The following HLA-DQB1 variants were observed in gnomAD, a reference collection of about 807,000 sequenced individuals.
The protein encoded by HLA-DQB1 is HLA class II histocompatibility antigen, DQ beta 1 chain.
A neutral mutation model predicts 26.4 loss-of-function variants in HLA-DQB1; 13 were observed. That is an observed-to-expected ratio of 0.49 (90% CI 0.32 to 0.78). HLA-DQB1 has a LOEUF of 0.78. Ranked by LOEUF, HLA-DQB1 falls within the 30% of genes least tolerant of loss-of-function variation. HLA-DQB1 has a pLI of 0.03. For synonymous variants in HLA-DQB1, 60 were observed against 129.1 expected, an observed-to-expected ratio of 0.46 and a Z score of 3.63; for missense variants, 158 against 326.2, an observed-to-expected ratio of 0.48 and a Z score of 3.97.
chr6:32,660,279 ACAGGG>A (rs748102756), intron 4 of HLA-DQB1, 30 bp from the exon 5 acceptor site: 23,784 of 1,027,504 alleles, frequency 0.023, 6,170 homozygotes, highest in East Asian at 0.085. Context: ...ATTGATCAGC[ACAGGG>A]TATCCTGGTG....
At chr6:32,666,429 C>A in intron 1 of HLA-DQB1, 70 bp downstream of exon 1, 1 of 576,370 alleles carries the variant, frequency 1.7e-6, no homozygotes. Context: ...ATCACCATCC[C>A]CCATACCCCA....
Position 32,666,485 on chromosome 6 carries a change from T to G in HLA-DQB1, c.109+14A>C, listed in dbSNP as rs28746847. 0.14 allele frequency: 120,723 copies of G among 887,704 alleles called. 14,679 individuals carry two copies. The highest frequency in any genetic ancestry group is 0.37 in the East Asian group (12,053 of 32,374). The allele number at this position is 887,704 out of a possible 1,614,324, so 55.0% of individuals were successfully genotyped here. ...CAGAGTGGCGGCTCTGGAGAGCAGC[T>G]GCCCTGCACTTACCGGGAGAGTCTC... On this transcript the variant is annotated intron_variant, in intron 1 of 4. Coordinates refer to ENST00000434651, the Ensembl canonical transcript of HLA-DQB1.
intron 1 of HLA-DQB1, 126 bp downstream of exon 1, chr6:32,666,373 A>C (rs28746845): frequency 0.16 from 67,797 of 415,022 alleles, 7,967 homozygotes; most frequent in East Asian, 0.34. Context: ...TTTCTTTCCC[A>C]AGAGAGAGGA....
At chr6:32,663,608 A>C (rs1554167636) in intron 2 of HLA-DQB1, 1 of 98,734 alleles carries the variant, frequency 1.0e-5, no homozygotes, top group African/African-American at 3.9e-5. Context: ...ATGTACCAAT[A>C]TTAGGATATA....
At chr6:32,666,458 C>T (rs281860881) in intron 1 of HLA-DQB1, 41 bp downstream of exon 1, 5 of 745,606 alleles carry the variant, frequency 6.7e-6, no homozygotes, top group South Asian at 1.9e-5. Context: ...AGAGCCTGTT[C>T]CCAGAGTGGC....
exon 4 of HLA-DQB1, chr6:32,661,376 C>T (rs1051908988): frequency 2.3e-6 from 3 of 1,292,062 alleles, no homozygotes; most frequent in Non-Finnish European, 1.1e-6. Context: ...GATGATAAGG[C>T]CCAGCCCAAG....
rs281860855 is a variant in HLA-DQB1 at position 32,666,488 on chromosome 6, C to T, written c.109+11G>A. On this transcript the variant is annotated intron_variant, in intron 1 of 4. Coordinates refer to ENST00000434651, the Ensembl canonical transcript of HLA-DQB1. Reference sequence around the variant, plus strand: ...AGTGGCGGCTCTGGAGAGCAGCTGCCCTGCACTTACCGGGAGAGTCTCTGC... The same window carrying T: ...AGTGGCGGCTCTGGAGAGCAGCTGCTCTGCACTTACCGGGAGAGTCTCTGC... 1.0e-6 allele frequency: 1 copy of T among 975,702 alleles called. No individual in the cohort carries two copies. Among genetic ancestry groups the T allele is most frequent in the African/African-American group, 1.6e-5 (1 of 62,684 alleles). 60.4% of individuals were successfully genotyped at this position (975,702 alleles called of 1,614,324 possible).
chr6:32,666,557 A>G, exon 1 of HLA-DQB1: 1 of 1,199,640 alleles, frequency 8.3e-7, no homozygotes, highest in East Asian at 2.7e-5. Context: ...TCAAGGTGAC[A>G]GTTGCTACCC....
intron 2 of HLA-DQB1, 151 bp from the exon 3 acceptor site, chr6:32,662,399 T>C: frequency 6.8e-6 from 1 of 147,610 alleles, no homozygotes; most frequent in Non-Finnish European, 1.1e-5. Context: ...AAATATAAAT[T>C]TGACAATCAC....
At chr6:32,663,415 G>GAAAGTATCATTCTGTCC (rs9282143) in intron 2 of HLA-DQB1, 2 of 126,710 alleles carry the variant, frequency 1.6e-5, no homozygotes, top group Admixed American at 8.0e-5. Flanking sequence ...TTTCAATGCC[G>GAAAGTATCATTCTGTCC]CATTAACACA....
At chr6:32,661,416 C>T (rs1049163) in exon 4 of HLA-DQB1, 274,527 of 975,756 alleles carry the variant, frequency 0.28, 94,458 homozygotes, top group East Asian at 0.52. Context: ...AAGCCTCCAA[C>T]GCCACTCAGC....
rs1783969338 is a variant in HLA-DQB1, at chr6:32,665,616, AC to A, written c.110-550del. On this transcript the variant is annotated intron_variant, in intron 1 of 4. Transcript: ENST00000434651. ...CCCTTCTATGTTGGAAAGGACCTAC[AC>A]CTCTGAGTCCTAGATAGAGACATTT... Among the ~76,000 whole-genome samples, 2 of 69,308 alleles carry A rather than the reference AC, an allele frequency of 2.9e-5. 1 individual carries two copies. The highest frequency in any genetic ancestry group is 6.8e-5 in the Non-Finnish European group (2 of 29,256). The allele number at this position is 69,308 out of a possible 152,430, so 45.5% of individuals were successfully genotyped here.
At chr6:32,666,413 A>G in intron 1 of HLA-DQB1, 86 bp downstream of exon 1, 1 of 485,442 alleles carries the variant, frequency 2.1e-6, no homozygotes, top group Non-Finnish European at 3.6e-6. Context: ...GTCCAAGATC[A>G]TAGAGATCAC....
In HLA-DQB1 at chr6:32,664,458, C is replaced by A. The variant is rs28746782; in HGVS notation, c.379+340G>T. ...CCGGCGGGCAGGGGAAGAGGGTGGG[C>A]ACTGGGGGCAGAGAGAACTGCTTAG... On this transcript the variant is annotated intron_variant, in intron 2 of 4. Coordinates refer to ENST00000434651, the Ensembl canonical transcript of HLA-DQB1. The A allele has an allele frequency of 8.7e-3, 1,086 of 124,918 alleles. 53 individuals carry two copies. Among genetic ancestry groups the A allele is most frequent in the Admixed American group, 0.019 (136 of 7,116 alleles). 7.7% of individuals were successfully genotyped at this position (124,918 alleles called of 1,614,324 possible).
intron 4 of HLA-DQB1, chr6:32,660,828 T>C (rs9273525): frequency 0.084 from 96,892 of 1,156,212 alleles, 9,231 homozygotes; most frequent in Admixed American, 0.26. Context: ...TACCTGTGCC[T>C]CCCCACACTG....
exon 5 of HLA-DQB1, chr6:32,660,109 G>T: frequency 2.1e-6 from 1 of 470,320 alleles, no homozygotes. Context: ...TGGTGGCTGC[G>T]TGACAGCCAC....
intron 2 of HLA-DQB1, chr6:32,663,478 C>G (rs281875014): frequency 1.0e-5 from 1 of 98,804 alleles, no homozygotes; most frequent in Non-Finnish European, 2.2e-5. Context: ...CTGGCTTTAA[C>G]AAGGCCTTAC....
intron 1 of HLA-DQB1, among the ~76,000 whole-genome samples, chr6:32,666,038 A>T (rs1029600832): frequency 1.2e-4 from 13 of 109,884 alleles, no homozygotes; most frequent in South Asian, 1.1e-3. Flanking sequence ...CAAATGCTCC[A>T]CTCGGTCAGG....
intron 3 of HLA-DQB1, 122 bp downstream of exon 3, chr6:32,661,845 C>G (rs281864225): frequency 1.3e-6 from 1 of 774,384 alleles, no homozygotes; most frequent in Non-Finnish European, 2.0e-6. Context: ...GCAAGAGGTG[C>G]TCTAGTCTCC....
Sources: gnomAD v4.1 joint callset for allele counts (sites outside exome capture counted in the v4.1 genomes callset) on GRCh38, gnomAD v4.1.1 for gene constraint, MANE v1.5 for transcripts, NCBI Gene and HGNC (gene_info 2026-07-23, HGNC 2026-07-21) for gene names.